Variants in YES1 observed in about 807,000 individuals in gnomAD.
YES1 encodes the protein tyrosine-protein kinase Yes.
A neutral mutation model predicts 70.4 loss-of-function variants in YES1; 39 were observed. The observed-to-expected ratio is 0.55, with a 90% confidence interval of 0.43 to 0.72. YES1 has a LOEUF of 0.72. Ranked by LOEUF, YES1 falls within the 30% of genes least tolerant of loss-of-function variation. The pLI is 0.00. For synonymous variants in YES1, 198 were observed against 218.6 expected, an observed-to-expected ratio of 0.91 and a Z score of 0.83; for missense variants, 495 against 644.8, an observed-to-expected ratio of 0.77 and a Z score of 2.52.
At chr18:800,631 C>T (rs767447200) in intron 1 of YES1, among the ~76,000 whole-genome samples, 3 of 152,168 alleles carry the variant, frequency 2.0e-5, no homozygotes, top group African/African-American at 7.2e-5. Context: ...GAAAAGGCTA[C>T]TAAGATGGTG....
intron 1 of YES1, among the ~76,000 whole-genome samples, chr18:800,017 C>T (rs1906742225): frequency 6.6e-6 from 1 of 152,174 alleles, no homozygotes; most frequent in Non-Finnish European, 1.5e-5. Flanking sequence ...CTAAATACTG[C>T]TCTTTAACAT....
At chr18:751,066 A>G (rs7242820) in intron 3 of YES1, among the ~76,000 whole-genome samples, 23,465 of 152,168 alleles carry the variant, frequency 0.15, 1,998 homozygotes, top group East Asian at 0.31. Flanking sequence ...GGATATGACC[A>G]TATTTTATGT....
At chr18:754,377 A>C (rs1236135926) in intron 2 of YES1, among the ~76,000 whole-genome samples, 2 of 152,126 alleles carry the variant, frequency 1.3e-5, no homozygotes, top group African/African-American at 4.8e-5. Context: ...GCTCTTTCCC[A>C]GGATTGCACA....
intron 1 of YES1, among the ~76,000 whole-genome samples, chr18:802,358 G>A (rs565152807): frequency 1.3e-5 from 2 of 151,976 alleles, no homozygotes; most frequent in African/African-American, 4.8e-5. Context: ...ACCTGAGGTC[G>A]GGAGTTCCAG....
chr18:781,033 C>T (rs374523184), intron 1 of YES1, among the ~76,000 whole-genome samples: 4 of 152,152 alleles, frequency 2.6e-5, no homozygotes, highest in South Asian at 2.1e-4. Flanking sequence ...CTTTGGGGCC[C>T]GAGGTGGGTG....
At chr18:780,910 T>C (rs1905624927) in intron 1 of YES1, among the ~76,000 whole-genome samples, 1 of 152,118 alleles carries the variant, frequency 6.6e-6, no homozygotes, top group Admixed American at 6.6e-5. Context: ...AAAGTCTAAT[T>C]ATGAGCCTTT....
At chr18:774,437 T>G (rs1236351704) in intron 1 of YES1, among the ~76,000 whole-genome samples, 2 of 152,150 alleles carry the variant, frequency 1.3e-5, no homozygotes, top group Admixed American at 1.3e-4. Context: ...GATTTCAAAT[T>G]TAACATTTCC....
chr18:779,901 T>C (rs893033238), intron 1 of YES1, among the ~76,000 whole-genome samples: 1 of 152,082 alleles, frequency 6.6e-6, no homozygotes, highest in African/African-American at 2.4e-5. Flanking sequence ...TAACAATGTA[T>C]GTAGTCCTTT....
In YES1 at chr18:745,625, C is replaced by T. The variant is rs2145713949; in HGVS notation, c.724+83G>A. The T allele has an allele frequency of 2.2e-6, 3 of 1,334,398 alleles. No individual in the cohort carries two copies. In the East Asian group the frequency reaches 6.9e-5, roughly 31 times the overall value. 82.7% of individuals were successfully genotyped at this position (1,334,398 alleles called of 1,614,324 possible). On this transcript the variant is annotated intron_variant, in intron 6 of 11. Transcript: ENST00000314574. The stretch of plus-strand genomic sequence containing the variant: ...TTATGTGTAAATAAGTGTGTTAAAT[C>T]TTAAGAGAAATGAGGATATGGATTT...
intron 6 of YES1, 127 bp downstream of exon 6, chr18:745,580 AG>A (rs2080269665): frequency 1.1e-6 from 1 of 897,362 alleles, no homozygotes; most frequent in Non-Finnish European, 1.7e-6. Flanking sequence ...AGAATACAAC[AG>A]ACATTTATTG....
At chr18:780,772 T>C (rs1471693754) in intron 1 of YES1, among the ~76,000 whole-genome samples, 2 of 152,200 alleles carry the variant, frequency 1.3e-5, no homozygotes, top group Admixed American at 1.3e-4. Flanking sequence ...AAACTTCCCT[T>C]GACTACTAAT....
intron 11 of YES1, among the ~76,000 whole-genome samples, chr18:728,262 G>A (rs1224497501): frequency 6.6e-6 from 1 of 151,814 alleles, no homozygotes; most frequent in Non-Finnish European, 1.5e-5. Context: ...GGGAGGTAGA[G>A]GCTGCAGTGA....
Position 732,849 on chromosome 18 carries a change from G to T in YES1, c.1408C>A (p.Arg470=), listed in dbSNP as rs779772570. The T allele has an allele frequency of 1.2e-6, 2 of 1,614,126 alleles. No homozygotes were observed. The highest frequency in any genetic ancestry group is 2.2e-5 in the South Asian group (2 of 91,080). The part of the protein sequence containing the change: ...ILQTELVTKG[R]VPYPGMVNRE... ...GCAAGCTTACCTGGATATGGCACTC[G>T]GCCCTTTGTTACTAGTTCTGTTTGC... The change falls in exon 11 of 12, where the codon CGA becomes AGA. Residue 470 remains arginine, a synonymous_variant. Transcript: ENST00000314574.
chr18:724,569 C>G lies in YES1; in HGVS notation c.1487G>C (p.Gly496Ala). The G allele has an allele frequency of 1.9e-6, 3 of 1,614,174 alleles. No individual in the cohort carries two copies. Among genetic ancestry groups the G allele is most frequent in the Non-Finnish European group, 2.5e-6 (3 of 1,180,028 alleles). Residue 496 changes from glycine (G) to alanine (A), a missense_variant, in exon 12 of 12, where the codon GGC becomes GCC. Transcript: ENST00000314574. The stretch of plus-strand genomic sequence containing the variant: ...CAATTCATGGAGGGATTCTGGACAG[C>G]CCTGAGGGCACGGCATCCTGTATCC... Reference protein sequence around the residue: ...ERGYRMPCPQGCPESLHELMN... With the variant: ...ERGYRMPCPQACPESLHELMN...
rs2079993400 is a variant in YES1 at position 724,407 on chromosome 18, A to G, written c.*17T>C. 2 of 1,608,898 alleles carry G rather than the reference A, an allele frequency of 1.2e-6. No individual in the cohort carries two copies. The highest frequency in any genetic ancestry group is 1.7e-6 in the Non-Finnish European group (2 of 1,176,704). On this transcript the variant is annotated 3_prime_UTR_variant, in exon 12 of 12. Transcript: ENST00000314574. ...TATATTTTGGCAGATTTGTGCATAT[A>G]AAATAGGCTACTTGAATTATAAATT...
chr18:807,706 A>C (rs1907168150), intron 1 of YES1, among the ~76,000 whole-genome samples: 1 of 152,204 alleles, frequency 6.6e-6, no homozygotes, highest in South Asian at 2.1e-4. Context: ...CAAAAGGAAA[A>C]GAATGCAGAG....
chr18:750,423 C>T (rs2080329465), intron 3 of YES1, among the ~76,000 whole-genome samples: 1 of 152,196 alleles, frequency 6.6e-6, no homozygotes, highest in African/African-American at 2.4e-5. Flanking sequence ...TGGACTTGAT[C>T]ATTCTTTGTT....
intron 1 of YES1, among the ~76,000 whole-genome samples, chr18:785,478 G>A (rs1187857000): frequency 6.6e-6 from 1 of 152,110 alleles, no homozygotes; most frequent in Non-Finnish European, 1.5e-5. Flanking sequence ...TAAGTAGCTG[G>A]AAGGAGAGAG....
intron 1 of YES1, among the ~76,000 whole-genome samples, chr18:760,936 T>C (rs1408326196): frequency 1.3e-5 from 2 of 152,072 alleles, no homozygotes; most frequent in Non-Finnish European, 2.9e-5. Flanking sequence ...ACAACTCTTA[T>C]GCATGAAAAG....
Sources: allele counts gnomAD v4.1 joint callset (sites outside exome capture counted in the v4.1 genomes callset), GRCh38; gene constraint gnomAD v4.1.1; transcripts MANE v1.5; gene names NCBI Gene and HGNC (gene_info 2026-07-23, HGNC 2026-07-21).